The following DAP variants were observed in gnomAD, a reference collection of about 807,000 sequenced individuals.
The protein encoded by DAP is death-associated protein 1.
In DAP, 8 loss-of-function variants were observed where a neutral mutation model predicts 13.8. That is an observed-to-expected ratio of 0.58 (90% CI 0.34 to 1.05). The LOEUF (loss-of-function observed/expected upper bound fraction) is 1.05, where lower values mean the gene tolerates loss of function less well. Among genes scored for constraint, DAP ranks in the 50% least tolerant of loss-of-function variants. The probability of loss-of-function intolerance (pLI) is 0.03; values close to 1 mark genes in which losing one functional copy is unlikely to be tolerated. For missense variants in DAP, 106 were observed against 133.2 expected (o/e 0.80, Z 1.01); for synonymous variants, 47 against 47.5 (o/e 0.99, Z 0.04).
intron 2 of DAP, among the ~76,000 whole-genome samples, chr5:10,687,900 G>A (rs1738195301): frequency 7.6e-6 from 1 of 132,240 alleles, no homozygotes; most frequent in East Asian, 2.2e-4. Flanking sequence ...AAACTTCATT[G>A]TTGTCTTTTT....
At chr5:10,697,772 C>T (rs895774981) in intron 2 of DAP, among the ~76,000 whole-genome samples, 5 of 152,188 alleles carry the variant, frequency 3.3e-5, no homozygotes, top group Admixed American at 6.5e-5. Context: ...CCAAAAAACT[C>T]ATCTGGTCTG....
At chr5:10,694,538 G>C (rs1738387461) in intron 2 of DAP, among the ~76,000 whole-genome samples, 1 of 152,110 alleles carries the variant, frequency 6.6e-6, no homozygotes, top group African/African-American at 2.4e-5. Context: ...TGCTTTTCCA[G>C]GGTAATGACC....
intron 2 of DAP, among the ~76,000 whole-genome samples, chr5:10,688,405 TG>T (rs1452879824): frequency 1.3e-5 from 2 of 152,216 alleles, no homozygotes; most frequent in Non-Finnish European, 2.9e-5. Context: ...AGTTATGCAT[TG>T]TTTTTTAGAC....
At chr5:10,683,156 T>C (rs370509745) in intron 3 of DAP, 147 of 301,528 alleles carry the variant, frequency 4.9e-4, no homozygotes, top group African/African-American at 3.2e-3. Context: ...TCCCCAACAC[T>C]GGCACTTTCT....
chr5:10,752,309 T>G (rs1740065946), intron 1 of DAP, among the ~76,000 whole-genome samples: 1 of 152,152 alleles, frequency 6.6e-6, no homozygotes, highest in African/African-American at 2.4e-5. Context: ...CAATAATAAC[T>G]CAAAGCTGAG....
At chr5:10,731,348 C>A (rs888357632) in intron 2 of DAP, among the ~76,000 whole-genome samples, 1 of 152,224 alleles carries the variant, frequency 6.6e-6, no homozygotes, top group African/African-American at 2.4e-5. Flanking sequence ...AGGGAGGAAT[C>A]TCTCCATGGC....
chr5:10,681,713 C>T (rs371987100), intron 3 of DAP, among the ~76,000 whole-genome samples: 93 of 150,866 alleles, frequency 6.2e-4, no homozygotes, highest in African/African-American at 2.1e-3. Flanking sequence ...AGCTCCAGGC[C>T]AGAGCCCACC....
chr5:10,741,401 T>C (rs903425577), intron 2 of DAP, among the ~76,000 whole-genome samples: 1 of 152,164 alleles, frequency 6.6e-6, no homozygotes, highest in South Asian at 2.1e-4. Context: ...ATTCACACCA[T>C]AAAATTAGCA....
chr5:10,760,044 C>T (rs1269098052), intron 1 of DAP, among the ~76,000 whole-genome samples: 6 of 152,060 alleles, frequency 3.9e-5, no homozygotes, highest in Admixed American at 2.6e-4. Context: ...CATGAGCCAC[C>T]GCGCCTGGCC....
At chr5:10,737,892 C>T (rs1220338655) in intron 2 of DAP, among the ~76,000 whole-genome samples, 2 of 152,136 alleles carry the variant, frequency 1.3e-5, no homozygotes, top group African/African-American at 4.8e-5. Flanking sequence ...CCAATATGAC[C>T]AGTGTCCTTA....
At chr5:10,694,633 A>G (rs763542721) in intron 2 of DAP, among the ~76,000 whole-genome samples, 1 of 152,186 alleles carries the variant, frequency 6.6e-6, no homozygotes, top group Non-Finnish European at 1.5e-5. Context: ...TGTGCTGATG[A>G]AAGGTAGTCA....
In DAP at chr5:10,731,233, G is replaced by C. The variant is rs1005462645; in HGVS notation, c.152+16942C>G. 5.4e-5 allele frequency among the ~76,000 whole-genome samples: 8 copies of C among 148,222 alleles called. No homozygotes were observed. The East Asian group carries it at 1.0e-3, about 19-fold the overall frequency. On this transcript the variant is annotated intron_variant, in intron 2 of 3. Transcript: ENST00000230895. ...CTTTCTCTATTGAGAGCCCTAGTGG[G>C]GGGGAATCTTTCTGTACTGAGAGCC...
At chr5:10,748,057 G>C (rs1011771594) in intron 2 of DAP, 118 bp downstream of exon 2, 4 of 734,826 alleles carry the variant, frequency 5.4e-6, no homozygotes, top group African/African-American at 5.2e-5. Context: ...AAAATACACA[G>C]AACAGGGCCC....
intron 2 of DAP, among the ~76,000 whole-genome samples, chr5:10,711,478 C>T (rs1340541366): frequency 6.6e-6 from 1 of 152,222 alleles, no homozygotes; most frequent in Non-Finnish European, 1.5e-5. Context: ...ATGACTGCCC[C>T]CACACTGGTC....
At chr5:10,700,331 AG>A (rs1738547176) in intron 2 of DAP, among the ~76,000 whole-genome samples, 1 of 152,206 alleles carries the variant, frequency 6.6e-6, no homozygotes, top group South Asian at 2.1e-4. Context: ...GGTGCATTTC[AG>A]GAGAACTGCC....
intron 1 of DAP, 64 bp from the exon 2 acceptor site, chr5:10,748,335 C>A (rs926788717): frequency 1.4e-5 from 20 of 1,425,648 alleles, no homozygotes; most frequent in Non-Finnish European, 2.0e-5. Flanking sequence ...ATCAGGGGGA[C>A]CAGCTGGAAA....
intron 2 of DAP, among the ~76,000 whole-genome samples, chr5:10,711,493 G>A (rs1738851910): frequency 6.6e-6 from 1 of 152,216 alleles, no homozygotes; most frequent in African/African-American, 2.4e-5. Flanking sequence ...CTGGTCCTCT[G>A]AGGACACACG....
At chr5:10,728,432 A>C (rs1739347042) in intron 2 of DAP, among the ~76,000 whole-genome samples, 1 of 152,218 alleles carries the variant, frequency 6.6e-6, no homozygotes, top group South Asian at 2.1e-4. Context: ...TAGGCCAAAA[A>C]GACAAAAAAG....
chr5:10,733,353 T>C (rs1273656521), intron 2 of DAP, among the ~76,000 whole-genome samples: 5 of 152,182 alleles, frequency 3.3e-5, no homozygotes, highest in East Asian at 1.9e-4. Context: ...TTTGGGTATA[T>C]GCCCAGAAGA....
Sources: allele counts gnomAD v4.1 joint callset (sites outside exome capture counted in the v4.1 genomes callset), GRCh38; gene constraint gnomAD v4.1.1; transcripts MANE v1.5; gene names NCBI Gene and HGNC (gene_info 2026-07-23, HGNC 2026-07-21).